Variants in SIGLEC9 observed in about 807,000 individuals in gnomAD.
SIGLEC9 encodes the protein sialic acid-binding Ig-like lectin 9.
SIGLEC9 carries 26 observed loss-of-function variants against 38.3 expected under a neutral mutation model. That is an observed-to-expected ratio of 0.68 (90% CI 0.50 to 0.94). The LOEUF (loss-of-function observed/expected upper bound fraction) is 0.94, where lower values mean the gene tolerates loss of function less well. Among genes scored for constraint, SIGLEC9 ranks in the 40% least tolerant of loss-of-function variants. The pLI is 0.00. For missense variants in SIGLEC9, 556 were observed against 585.7 expected (o/e 0.95, Z 0.52); for synonymous variants, 236 against 248.0 (o/e 0.95, Z 0.45).
chr19:51,124,462 G>T (rs2091962519), upstream of SIGLEC9, among the ~76,000 whole-genome samples: 1 of 152,142 alleles, frequency 6.6e-6, no homozygotes, highest in African/African-American at 2.4e-5. Flanking sequence ...CAGCTCTGCT[G>T]TGTTGACCTC....
At chr19:51,134,147 C>CTTTTTTTTTTTT (rs71185802), downstream of SIGLEC9, among the ~76,000 whole-genome samples, 10 of 66,522 alleles carry the variant, frequency 1.5e-4, no homozygotes, top group Admixed American at 2.5e-4. Context: ...TCTTTCTTTT[C>CTTTTTTTTTTTT]TTTTTTTTTT....
chr19:51,121,878 G>A (rs145982171), upstream of SIGLEC9, among the ~76,000 whole-genome samples: 45 of 151,924 alleles, frequency 3.0e-4, no homozygotes, highest in Non-Finnish European at 5.7e-4. Flanking sequence ...CTGAGCCGCC[G>A]CACCCAGCCT....
chr19:51,125,139 A>G lies in SIGLEC9; in HGVS notation c.165A>G (p.Pro55=), dbSNP rs1260975051. Residue 55 remains proline, a synonymous_variant, in exon 1 of 7, where the codon CCA becomes CCG. Coordinates refer to ENST00000250360, the MANE Select transcript of SIGLEC9 (RefSeq NM_014441.3). ...YPSHGWIYPG[P]VVHGYWFREG... ...CGCATGGCTGGATTTACCCTGGCCC[A>G]GTAGTTCATGGCTACTGGTTCCGGG... 2 of 1,613,948 alleles carry G rather than the reference A, an allele frequency of 1.2e-6. No homozygotes were observed. The highest frequency in any genetic ancestry group is 4.5e-5 in the East Asian group (2 of 44,874).
At chr19:51,135,879 G>T (rs759893883) in intron 6 of SIGLEC9, 4 of 652,282 alleles carry the variant, frequency 6.1e-6, no homozygotes, top group Non-Finnish European at 1.1e-5. Context: ...TAATACTTCC[G>T]CTTGTATTAT....
downstream of SIGLEC9, among the ~76,000 whole-genome samples, chr19:51,134,955 A>AT (rs2092034689): frequency 6.6e-6 from 1 of 152,192 alleles, no homozygotes; most frequent in African/African-American, 2.4e-5. Context: ...AGAAAGATGT[A>AT]TTTTTAACTC....
rs2091984446 is a variant in SIGLEC9, at chr19:51,127,199, G to A, written c.918G>A (p.Glu306=). The change falls in exon 4 of 7, where the codon GAG becomes GAA. Residue 306 remains glutamate, a synonymous_variant. Transcript: ENST00000250360. Reference sequence around the variant, plus strand: ...AGCCCTCAAACCCGGGGGTGCTGGAGCTGCCTTGGGTGCACCTGAGGGATG... The same window carrying A: ...AGCCCTCAAACCCGGGGGTGCTGGAACTGCCTTGGGTGCACCTGAGGGATG... ...PSQPSNPGVL[E]LPWVHLRDAA... is the part of the protein sequence containing the mutation. The A allele has an allele frequency of 6.2e-7, 1 of 1,614,238 alleles. No individual in the cohort carries two copies. Among genetic ancestry groups the A allele is most frequent in the African/African-American group, 1.3e-5 (1 of 75,074 alleles).
chr19:51,129,791 C>T (rs1400199364), intron 6 of SIGLEC9, 100 bp from the exon 7 acceptor site: 15 of 818,702 alleles, frequency 1.8e-5, no homozygotes, highest in African/African-American at 6.9e-5. Flanking sequence ...TCAGGTGATC[C>T]GCCTACCTCA....
intron 5 of SIGLEC9, 75 bp downstream of exon 5, chr19:51,128,114 C>T: frequency 8.0e-7 from 1 of 1,247,568 alleles, no homozygotes; most frequent in South Asian, 1.2e-5. Context: ...TCCCTGAAGC[C>T]AGAGCTGGAG....
Position 51,127,158 on chromosome 19 carries a change from A to G in SIGLEC9, c.877A>G (p.Thr293Ala). 1 of 1,614,184 alleles carries G rather than the reference A, an allele frequency of 6.2e-7. No individual in the cohort carries two copies. Among genetic ancestry groups the G allele is most frequent in the African/African-American group, 1.3e-5 (1 of 75,044 alleles). ...GCTGAGCCTGAGCTGGAGAGGCCTG[A>G]CCCTGTGCCCCTCACAGCCCTCAAA... ...ARLSLSWRGL[T>A]LCPSQPSNPG... Residue 293 changes from threonine to alanine, a missense_variant, in exon 4 of 7, where the codon ACC (threonine) becomes GCC (alanine). Physicochemically the swap from Thr to Ala is moderately conservative, Grantham distance 58 (BLOSUM62 0). Transcript: ENST00000250360.
At chr19:51,119,959 CT>C, upstream of SIGLEC9, 1 of 179,004 alleles carries the variant, frequency 5.6e-6, no homozygotes, top group Non-Finnish European at 1.1e-5. Flanking sequence ...TCCCCAGGGG[CT>C]TTGGCTTAGG....
chr19:51,125,956 GGGCTGGTGGTGGGGTCAGGA>G, intron 2 of SIGLEC9, 81 bp downstream of exon 2: 1 of 1,597,936 alleles, frequency 6.3e-7, no homozygotes, highest in Non-Finnish European at 8.6e-7. Context: ...CCCGGAATCT[GGGCTGGTGGTGGGGTCAGGA>G]GGACACTGGC....
rs774271537 is a variant in SIGLEC9, at chr19:51,125,074, G to A, written c.100G>A (p.Gly34Ser). The A allele has an allele frequency of 2.1e-5, 34 of 1,613,996 alleles. No individual in the cohort carries two copies. Among genetic ancestry groups the A allele is most frequent in the Non-Finnish European group, 2.7e-5 (32 of 1,180,010 alleles). Residue 34 changes from glycine (G) to serine (S), a missense_variant, in exon 1 of 7, where the codon GGC (glycine) becomes AGC (serine). Transcript: ENST00000250360. ...TMQSSVTVQE[G>S]LCVHVPCSFS... ...GCAGAGTTCCGTGACGGTGCAGGAAGGCCTGTGTGTCCATGTGCCCTGCTC... is the reference window on the plus strand; with the variant it reads ...GCAGAGTTCCGTGACGGTGCAGGAAAGCCTGTGTGTCCATGTGCCCTGCTC...
downstream of SIGLEC9, among the ~76,000 whole-genome samples, chr19:51,130,863 C>T (rs1238223548): frequency 1.3e-5 from 2 of 152,202 alleles, no homozygotes; most frequent in East Asian, 3.8e-4. Flanking sequence ...AAATCATTTG[C>T]AACATGCCCT....
downstream of SIGLEC9, among the ~76,000 whole-genome samples, chr19:51,130,707 C>A (rs2092010496): frequency 6.6e-6 from 1 of 152,218 alleles, no homozygotes; most frequent in South Asian, 2.1e-4. Context: ...TTAGGACACA[C>A]TGAGCTCTCT....
At chr19:51,123,936 G>A (rs935460540), upstream of SIGLEC9, among the ~76,000 whole-genome samples, 9 of 152,094 alleles carry the variant, frequency 5.9e-5, no homozygotes, top group Non-Finnish European at 7.4e-5. Flanking sequence ...TGCCCATCGC[G>A]GAGGGTGCAT....
At chr19:51,126,640 CT>C (rs1464217672) in intron 3 of SIGLEC9, among the ~76,000 whole-genome samples, 3 of 152,196 alleles carry the variant, frequency 2.0e-5, no homozygotes, top group African/African-American at 7.2e-5. Flanking sequence ...TGTCCGCACC[CT>C]CCTCTAGGGC....
downstream of SIGLEC9, among the ~76,000 whole-genome samples, chr19:51,133,231 T>C (rs559263008): frequency 7.2e-5 from 11 of 152,236 alleles, no homozygotes; most frequent in South Asian, 1.9e-3. Context: ...TACAGTCAAC[T>C]GAATAGCATC....
In SIGLEC9 at chr19:51,128,491, T is replaced by C; in HGVS notation, c.1184T>C (p.Val395Ala). 3 of 1,614,028 alleles carry C rather than the reference T, an allele frequency of 1.9e-6. No individual in the cohort carries two copies. The highest frequency in any genetic ancestry group is 2.5e-6 in the Non-Finnish European group (3 of 1,179,954). Reference sequence around the variant, plus strand: ...ACGGGCATAGAGGATGCAAACGCTGTCAGGGGTTCAGCCTCTCAGGTGAGT... The same window carrying C: ...ACGGGCATAGAGGATGCAAACGCTGCCAGGGGTTCAGCCTCTCAGGTGAGT... ...GDTGIEDANA[V>A]RGSASQGPLT... The change falls in exon 6 of 7, where the codon GTC becomes GCC. Residue 395 changes from valine (V) to alanine (A), a missense_variant. By Grantham distance (64) the Val-to-Ala change is moderately conservative. Coordinates refer to ENST00000250360, the MANE Select transcript of SIGLEC9 (RefSeq NM_014441.3).
chr19:51,125,426 G>A (rs1305531490), intron 1 of SIGLEC9, 31 bp downstream of exon 1: 8 of 1,563,426 alleles, frequency 5.1e-6, no homozygotes, highest in South Asian at 4.9e-5. Context: ...AAGGCCACAG[G>A]GAAAGGTCAT....
Sources: allele counts gnomAD v4.1 joint callset (sites outside exome capture counted in the v4.1 genomes callset), GRCh38; gene constraint gnomAD v4.1.1; transcripts MANE v1.5; gene names NCBI Gene and HGNC (gene_info 2026-07-23, HGNC 2026-07-21).